FSTL5: variants seen among roughly 807,000 people sequenced by gnomAD.
FSTL5 encodes follistatin-related protein 5.
In FSTL5, 62 loss-of-function variants were observed where a neutral mutation model predicts 89.1. The observed-to-expected ratio is 0.70, with a 90% CI of 0.57 to 0.86. The LOEUF (loss-of-function observed/expected upper bound fraction) is 0.86, where lower values mean the gene tolerates loss of function less well. Ranked by LOEUF, FSTL5 falls within the 40% of genes least tolerant of loss-of-function variation. The pLI, the probability that FSTL5 is intolerant of heterozygous loss-of-function variation, is 0.00. For missense variants in FSTL5, 1,057 were observed against 1,001.6 expected (o/e 1.06, Z -0.75); for synonymous variants, 383 against 346.2 (o/e 1.11, Z -1.18).
At chr4:161,483,207 A>C (rs1455901183) in intron 12 of FSTL5, among the ~76,000 whole-genome samples, 1 of 152,250 alleles carries the variant, frequency 6.6e-6, no homozygotes, top group Non-Finnish European at 1.5e-5. Context: ...CTGAATGTCA[A>C]GGACAAGAAT....
intron 2 of FSTL5, among the ~76,000 whole-genome samples, chr4:162,078,900 A>G (rs1432542292): frequency 6.6e-6 from 1 of 151,750 alleles, no homozygotes; most frequent in Admixed American, 6.6e-5. Flanking sequence ...TAATATAAGC[A>G]AAATCACTAA....
chr4:161,988,331 A>C (rs1309686132), intron 3 of FSTL5, among the ~76,000 whole-genome samples: 4 of 152,170 alleles, frequency 2.6e-5, no homozygotes, highest in Non-Finnish European at 5.9e-5. Context: ...AGAATAACTG[A>C]AAACAGAAAA....
chr4:161,394,271 C>A (rs1730925651), intron 15 of FSTL5, among the ~76,000 whole-genome samples: 1 of 151,830 alleles, frequency 6.6e-6, no homozygotes. Context: ...GTAAAATACC[C>A]ATTTTTTGTT....
intron 3 of FSTL5, among the ~76,000 whole-genome samples, chr4:161,933,769 T>A (rs1318066808): frequency 6.6e-6 from 1 of 152,026 alleles, no homozygotes; most frequent in Non-Finnish European, 1.5e-5. Context: ...CCTAAATCAA[T>A]AAGCCAATCT....
At chr4:161,984,965 T>C (rs912819894) in intron 3 of FSTL5, among the ~76,000 whole-genome samples, 8 of 152,138 alleles carry the variant, frequency 5.3e-5, no homozygotes, top group African/African-American at 1.7e-4. Context: ...AATACTTTTT[T>C]TTTTTTTTTA....
chr4:162,128,006 A>G (rs923305415), intron 1 of FSTL5, among the ~76,000 whole-genome samples: 3 of 152,182 alleles, frequency 2.0e-5, no homozygotes, highest in South Asian at 2.1e-4. Flanking sequence ...TATGGTCCAA[A>G]TAGTTAATAT....
At chr4:162,065,915 TA>T (rs1182428369) in intron 2 of FSTL5, among the ~76,000 whole-genome samples, 8 of 152,080 alleles carry the variant, frequency 5.3e-5, no homozygotes, top group East Asian at 1.9e-4. Context: ...ATCCAACTTT[TA>T]AAAAAAGTAG....
rs62329201 is a variant in FSTL5 at position 161,831,145 on chromosome 4, T to C, written c.410-55071A>G. ...GGAAATTGGTAACTATGTGAAACGA[T>C]GGCTATGTTCATTCTTCCACTATAG... is the stretch of plus-strand genomic sequence containing the variant. On this transcript the variant is annotated intron_variant, in intron 4 of 15. Coordinates refer to ENST00000306100, the MANE Select transcript of FSTL5 (RefSeq NM_020116.5). Among the ~76,000 whole-genome samples the C allele has an allele frequency of 5.0e-3, 754 of 152,096 alleles. 3 individuals carry two copies. Among genetic ancestry groups the C allele is most frequent in the Non-Finnish European group, 7.9e-3 (534 of 67,890 alleles).
chr4:161,648,867 GA>G (rs1462231600), intron 7 of FSTL5, among the ~76,000 whole-genome samples: 1 of 152,120 alleles, frequency 6.6e-6, no homozygotes, highest in Non-Finnish European at 1.5e-5. Context: ...ATCTTTTTCA[GA>G]TACTAATTGG....
chr4:161,727,264 A>G (rs527754977), intron 6 of FSTL5, among the ~76,000 whole-genome samples: 1 of 152,322 alleles, frequency 6.6e-6, no homozygotes, highest in Non-Finnish European at 1.5e-5. Flanking sequence ...TTGTGATAAT[A>G]GTTGCCTTTC....
chr4:161,792,629 C>A (rs1729515193), intron 4 of FSTL5, among the ~76,000 whole-genome samples: 1 of 152,074 alleles, frequency 6.6e-6, no homozygotes, highest in South Asian at 2.1e-4. Flanking sequence ...TGAAGGGAGG[C>A]CGGCCTACAT....
At chr4:161,705,079 G>T (rs900469713) in intron 6 of FSTL5, among the ~76,000 whole-genome samples, 4 of 151,550 alleles carry the variant, frequency 2.6e-5, no homozygotes, top group African/African-American at 9.7e-5. Context: ...TTAAAATATT[G>T]CATTTTGTTC....
At chr4:161,867,646 T>C (rs769858215) in intron 4 of FSTL5, among the ~76,000 whole-genome samples, 1 of 151,624 alleles carries the variant, frequency 6.6e-6, no homozygotes, top group African/African-American at 2.4e-5. Context: ...ATGTCCATTA[T>C]GGAAGAAAGA....
intron 4 of FSTL5, among the ~76,000 whole-genome samples, chr4:161,814,954 C>T (rs1172523065): frequency 6.6e-6 from 1 of 151,952 alleles, no homozygotes; most frequent in Non-Finnish European, 1.5e-5. Flanking sequence ...AACTATACAT[C>T]TATAGGATCA....
chr4:161,669,956 T>C (rs1180775261), intron 6 of FSTL5, among the ~76,000 whole-genome samples: 1 of 152,168 alleles, frequency 6.6e-6, no homozygotes, highest in Admixed American at 6.6e-5. Context: ...AGCACTCTTT[T>C]ACTTACAAAA....
At chr4:161,680,575 G>A (rs185528850) in intron 6 of FSTL5, among the ~76,000 whole-genome samples, 3 of 151,128 alleles carry the variant, frequency 2.0e-5, no homozygotes, top group Non-Finnish European at 4.4e-5. Context: ...CAAGAATGTG[G>A]TATACACATT....
intron 1 of FSTL5, among the ~76,000 whole-genome samples, chr4:162,152,849 A>C (rs1212719092): frequency 1.3e-5 from 2 of 148,900 alleles, no homozygotes; most frequent in Non-Finnish European, 3.0e-5. Flanking sequence ...TGCTCTGTAT[A>C]GTATGTTTAA....
intron 13 of FSTL5, among the ~76,000 whole-genome samples, chr4:161,476,887 T>C (rs1734170937): frequency 6.6e-6 from 1 of 152,150 alleles, no homozygotes; most frequent in South Asian, 2.1e-4. Flanking sequence ...ACCCCAAATG[T>C]AAAGGACAGC....
chr4:162,149,396 G>A (rs1036845518), intron 1 of FSTL5, among the ~76,000 whole-genome samples: 1 of 151,894 alleles, frequency 6.6e-6, no homozygotes, highest in Non-Finnish European at 1.5e-5. Flanking sequence ...ATTTAGCCAG[G>A]TGTGGTGGCT....
Sources: gnomAD v4.1 joint callset for allele counts (sites outside exome capture counted in the v4.1 genomes callset) on GRCh38, gnomAD v4.1.1 for gene constraint, MANE v1.5 for transcripts, NCBI Gene and HGNC (gene_info 2026-07-23, HGNC 2026-07-21) for gene names.